The following ACVR1C variants were observed in gnomAD, a reference collection of about 807,000 sequenced individuals.
The protein encoded by ACVR1C is activin A receptor type 1C, also known as activin receptor type-1C.
In ACVR1C, 23 loss-of-function variants were observed where a neutral mutation model predicts 57.9. That is an observed-to-expected ratio of 0.40 (90% confidence interval 0.29 to 0.56). ACVR1C has a LOEUF of 0.56. ACVR1C is among the 20% of genes least tolerant of loss of function. The pLI is 0.50. For synonymous variants in ACVR1C, 214 were observed against 215.3 expected, an observed-to-expected ratio of 0.99 and a Z score of 0.05; for missense variants, 480 against 607.9, an observed-to-expected ratio of 0.79 and a Z score of 2.21.
At chr2:157,587,935 T>TTGTGACACTTTATATTTATTTTC (rs1416581314) in intron 1 of ACVR1C, among the ~76,000 whole-genome samples, 2 of 152,110 alleles carry the variant, frequency 1.3e-5, no homozygotes, top group African/African-American at 4.8e-5. Flanking sequence ...AAAAAAATAG[T>TTGTGACACTTTATATTTATTTTC]TGTGACACTT....
In ACVR1C at chr2:157,587,302, A is replaced by G. The variant is rs772457391; in HGVS notation, c.189T>C (p.Cys63=). The change falls in exon 2 of 9, where the codon TGT becomes TGC. Residue 63 remains cysteine, a synonymous_variant. Coordinates refer to ENST00000243349, the MANE Select transcript of ACVR1C (RefSeq NM_145259.3). ...TNGKEQVIKS[C]VSLPELNAQV... Reference sequence around the variant, plus strand: ...GAGCATTCAGTTCTGGAAGGGAGACACAGGATTTGATCACCTGCTCTTTTC... The same window carrying G: ...GAGCATTCAGTTCTGGAAGGGAGACGCAGGATTTGATCACCTGCTCTTTTC... 7 of 1,613,596 alleles carry G rather than the reference A, an allele frequency of 4.3e-6. No individual in the cohort carries two copies. Among genetic ancestry groups the G allele is most frequent in the African/African-American group, 1.3e-5 (1 of 74,892 alleles).
rs905621495 is a variant in ACVR1C at position 157,529,955 on chromosome 2, A to G, written c.*3963T>C. 6.6e-6 allele frequency: 1 copy of G among 152,092 alleles called. No individual in the cohort carries two copies. The highest frequency in any genetic ancestry group is 1.5e-5 in the Non-Finnish European group (1 of 67,984). 9.4% of individuals were successfully genotyped at this position (152,092 alleles called of 1,614,324 possible). On this transcript the variant is annotated 3_prime_UTR_variant, in exon 9 of 9. Transcript: ENST00000243349. ...TTAGAAGCAGCTCTCAAGATAAAAG[A>G]ATTACTGTTTTCACTAAAATAGCAG...
At chr2:157,597,563 C>T in intron 1 of ACVR1C, 3 of 985,454 alleles carry the variant, frequency 3.0e-6, no homozygotes, top group Non-Finnish European at 3.6e-6. Flanking sequence ...AGCGCAACCC[C>T]CAGGAGACGT....
intron 1 of ACVR1C, among the ~76,000 whole-genome samples, chr2:157,627,320 A>C (rs1682918701): frequency 6.6e-6 from 1 of 152,202 alleles, no homozygotes; most frequent in Non-Finnish European, 1.5e-5. Flanking sequence ...CCCACTTATA[A>C]ATTTATTAAC....
At chr2:157,546,744 G>A (rs140419126) in intron 4 of ACVR1C, among the ~76,000 whole-genome samples, 29 of 152,060 alleles carry the variant, frequency 1.9e-4, no homozygotes, top group Middle Eastern at 6.8e-3. Context: ...GATAATCAAC[G>A]AATTTTATAT....
chr2:157,583,027 G>A (rs1002691619), intron 2 of ACVR1C, among the ~76,000 whole-genome samples: 5 of 151,742 alleles, frequency 3.3e-5, no homozygotes, highest in Admixed American at 6.6e-5. Flanking sequence ...GACTACAGGC[G>A]CGTACTAATT....
intron 1 of ACVR1C, among the ~76,000 whole-genome samples, chr2:157,596,334 G>A (rs1344524150): frequency 6.6e-6 from 1 of 151,766 alleles, no homozygotes; most frequent in Non-Finnish European, 1.5e-5. Flanking sequence ...TATTTGGGGG[G>A]TGGGGGGCAG....
At chr2:157,551,860 C>T (rs1687931998) in intron 3 of ACVR1C, among the ~76,000 whole-genome samples, 1 of 152,144 alleles carries the variant, frequency 6.6e-6, no homozygotes, top group Non-Finnish European at 1.5e-5. Flanking sequence ...GACATATAAG[C>T]ACAGGCTAAA....
chr2:157,564,932 A>AAC (rs1188160804), intron 2 of ACVR1C, among the ~76,000 whole-genome samples: 4 of 152,124 alleles, frequency 2.6e-5, no homozygotes, highest in East Asian at 3.9e-4. Flanking sequence ...CTGGGAGGGG[A>AAC]ACACACACAC....
At chr2:157,608,195 G>A (rs185057834) in intron 1 of ACVR1C, among the ~76,000 whole-genome samples, 11 of 151,910 alleles carry the variant, frequency 7.2e-5, no homozygotes, top group African/African-American at 2.4e-4. Context: ...TCGTCAAAAT[G>A]AGTTGTTAAA....
At chr2:157,574,699 TG>T (rs747914266) in intron 2 of ACVR1C, among the ~76,000 whole-genome samples, 2 of 152,178 alleles carry the variant, frequency 1.3e-5, no homozygotes, top group Non-Finnish European at 2.9e-5. Context: ...TAATTAGAAT[TG>T]GGTTTAACTA....
chr2:157,589,197 T>C (rs930174333), intron 1 of ACVR1C, among the ~76,000 whole-genome samples: 1 of 151,908 alleles, frequency 6.6e-6, no homozygotes, highest in Admixed American at 6.6e-5. Context: ...CAAACATCTA[T>C]TGTTTTTTGA....
chr2:157,583,412 G>A (rs1033282193), intron 2 of ACVR1C, among the ~76,000 whole-genome samples: 6 of 152,010 alleles, frequency 3.9e-5, no homozygotes, highest in African/African-American at 1.2e-4. Flanking sequence ...CTATGTTCAT[G>A]GATTAAAAGT....
chr2:157,547,538 T>C (rs1454167626), intron 4 of ACVR1C, among the ~76,000 whole-genome samples: 5 of 142,916 alleles, frequency 3.5e-5, no homozygotes, highest in Non-Finnish European at 6.1e-5. Flanking sequence ...TATCTCATTG[T>C]GGTTTTGATT....
At chr2:157,591,811 T>C (rs577516169) in intron 1 of ACVR1C, among the ~76,000 whole-genome samples, 1 of 152,178 alleles carries the variant, frequency 6.6e-6, no homozygotes, top group South Asian at 2.1e-4. Flanking sequence ...CCACTGCAAC[T>C]GTGGGAGTTA....
intron 2 of ACVR1C, among the ~76,000 whole-genome samples, chr2:157,573,494 G>A: frequency 6.6e-6 from 1 of 151,638 alleles, no homozygotes; most frequent in Non-Finnish European, 1.5e-5. Flanking sequence ...TTTAAGCACT[G>A]TATGTTTTGG....
chr2:157,535,654 A>G (rs572077400), intron 8 of ACVR1C, among the ~76,000 whole-genome samples: 2 of 152,226 alleles, frequency 1.3e-5, no homozygotes, highest in Non-Finnish European at 1.5e-5. Context: ...ATAGTGGTGC[A>G]TGCCTGTAAT....
At chr2:157,621,234 G>T (rs1682763621) in intron 1 of ACVR1C, among the ~76,000 whole-genome samples, 1 of 152,108 alleles carries the variant, frequency 6.6e-6, no homozygotes, top group South Asian at 2.1e-4. Flanking sequence ...ACAACAGAAA[G>T]TAGAAGCTAT....
chr2:157,555,022 T>A (rs1405697103), intron 3 of ACVR1C, among the ~76,000 whole-genome samples: 1 of 143,766 alleles, frequency 7.0e-6, no homozygotes, highest in African/African-American at 2.6e-5. Flanking sequence ...AAAATAAAAA[T>A]AAAAATAAAA....
Sources: gnomAD v4.1 joint callset for allele counts (sites outside exome capture counted in the v4.1 genomes callset) on GRCh38, gnomAD v4.1.1 for gene constraint, MANE v1.5 for transcripts, NCBI Gene and HGNC (gene_info 2026-07-23, HGNC 2026-07-21) for gene names.